Variants in OR2L2 observed in about 807,000 individuals in gnomAD.
OR2L2 encodes the protein olfactory receptor family 2 subfamily L member 2.
For synonymous variants in OR2L2, 156 were observed against 135.4 expected (o/e 1.15, Z -1.06); for missense variants, 378 against 375.2 (o/e 1.01, Z -0.06).
In OR2L2 at chr1:248,041,354, C is replaced by T. The variant is rs1021577539; in HGVS notation, c.*2148C>T. 1.3e-5 allele frequency: 2 copies of T among 152,092 alleles called. No individual in the cohort carries two copies. Among genetic ancestry groups the T allele is most frequent in the East Asian group, 1.9e-4 (1 of 5,172 alleles). The allele number at this position is 152,092 out of a possible 1,614,324, so 9.4% of individuals were successfully genotyped here. A position where few individuals can be genotyped will look rare whatever the true frequency, so the allele number is the denominator to read the frequency against. On this transcript the variant is annotated 3_prime_UTR_variant, in exon 3 of 3. Coordinates refer to ENST00000641771, the MANE Select transcript of OR2L2 (RefSeq NM_001385855.1). ...CCTTCCTTACACCTTATACAAAAAT[C>T]AATTCAAGATGGATTAAAGACTTAA...
intron 1 of OR2L2, among the ~76,000 whole-genome samples, chr1:248,031,661 G>A (rs915750140): frequency 9.9e-5 from 15 of 152,250 alleles, no homozygotes; most frequent in Admixed American, 7.9e-4. Context: ...AGTTTTTGGG[G>A]TGCCTGATTT....
rs1383017839 is a variant in OR2L2, at chr1:248,039,242, C to A, written c.*36C>A. Reference sequence around the variant, plus strand: ...TGTGTTAGAGTCAAAGCGCTAGGTTCATATCAACTTAGTAGTGTACAGCAG... The same window carrying A: ...TGTGTTAGAGTCAAAGCGCTAGGTTAATATCAACTTAGTAGTGTACAGCAG... On this transcript the variant is annotated 3_prime_UTR_variant, in exon 3 of 3. Transcript: ENST00000641771. 6 of 1,562,590 alleles carry A rather than the reference C, an allele frequency of 3.8e-6. No individual in the cohort carries two copies. The highest frequency in any genetic ancestry group is 8.7e-7 in the Non-Finnish European group (1 of 1,151,010).
At chr1:248,036,278 C>A (rs573626463) in intron 2 of OR2L2, among the ~76,000 whole-genome samples, 3 of 151,648 alleles carry the variant, frequency 2.0e-5, no homozygotes, top group African/African-American at 7.3e-5. Context: ...TTTTCACTTT[C>A]GTATTTTGAA....
At position 248,039,273 on chromosome 1, in the gene OR2L2, A is replaced by G. The variant is rs1032833694; in HGVS notation, c.*67A>G. 4 of 1,428,922 alleles carry G rather than the reference A, an allele frequency of 2.8e-6. No individual in the cohort carries two copies. In the African/African-American group the frequency reaches 5.7e-5, roughly 20 times the overall value. 88.5% of individuals were successfully genotyped at this position (1,428,922 alleles called of 1,614,324 possible). On this transcript the variant is annotated 3_prime_UTR_variant, in exon 3 of 3. Coordinates refer to ENST00000641771, the MANE Select transcript of OR2L2 (RefSeq NM_001385855.1). ...AACTTAGTAGTGTACAGCAGTGAAGAAAAACATTATTACATGCCCAGTGTG... is the reference window on the plus strand; with the variant it reads ...AACTTAGTAGTGTACAGCAGTGAAGGAAAACATTATTACATGCCCAGTGTG...
rs113312394 is a variant in OR2L2, at chr1:248,038,872, G to C, written c.605G>C (p.Ser202Thr). The C allele has an allele frequency of 3.1e-3, 5,056 of 1,614,134 alleles. 107 individuals are homozygous for C. The African/African-American group carries it at 0.057, about 18-fold the overall frequency. Residue 202 changes from serine (S) to threonine (T), a missense_variant, in exon 3 of 3, where the codon AGC becomes ACC. Ser to Thr is a moderately conservative substitution (Grantham distance 58). Transcript: ENST00000641771. ...TATGAGAGCACAGTGTTTTTGAGCA[G>C]CACCATCTTTCTTGTGCTTCCTTTC... is the stretch of plus-strand genomic sequence containing the variant. ...WVYESTVFLS[S>T]TIFLVLPFTG...
At chr1:248,035,881 T>C (rs1662745787) in intron 2 of OR2L2, among the ~76,000 whole-genome samples, 1 of 152,186 alleles carries the variant, frequency 6.6e-6, no homozygotes, top group Non-Finnish European at 1.5e-5. Flanking sequence ...TCTCCTCTTA[T>C]GAAATTTATT....
chr1:248,037,470 G>T (rs1662795158), intron 2 of OR2L2, among the ~76,000 whole-genome samples: 2 of 152,124 alleles, frequency 1.3e-5, no homozygotes, highest in Admixed American at 6.6e-5. Context: ...ATCTGAGATT[G>T]TGTTGGGCAT....
In OR2L2 at chr1:248,031,156, C is replaced by G. The variant is rs73141384; in HGVS notation, c.-97+921C>G. On this transcript the variant is annotated intron_variant, in intron 1 of 2. Transcript: ENST00000641771. ...AAATGTCCTCTTCACATTACTGAAA[C>G]AGATGTATAATAAATATCCTCTTTG... 3.9e-3 allele frequency among the ~76,000 whole-genome samples: 590 copies of G among 152,232 alleles called. 7 individuals are homozygous for G. The highest frequency in any genetic ancestry group is 0.014 in the African/African-American group (561 of 41,532).
In OR2L2 at chr1:248,038,500, C is replaced by A; in HGVS notation, c.233C>A (p.Pro78Gln). The part of the protein sequence containing the change: ...IDLNYISTIV[P>Q]KMVYDFLYGN... ...CTAAATTACATCTCCACCATTGTTC[C>A]AAAGATGGTTTATGATTTTCTGTAT... is the stretch of plus-strand genomic sequence containing the variant. Residue 78 changes from proline to glutamine, a missense_variant, in exon 3 of 3, where the codon CCA (proline) becomes CAA (glutamine). Coordinates refer to ENST00000641771, the MANE Select transcript of OR2L2 (RefSeq NM_001385855.1). The A allele has an allele frequency of 3.1e-6, 5 of 1,613,900 alleles. No homozygotes were observed. Among genetic ancestry groups the A allele is most frequent in the Non-Finnish European group, 4.2e-6 (5 of 1,179,832 alleles).
chr1:248,038,793 T>A lies in OR2L2; in HGVS notation c.526T>A (p.Phe176Ile), dbSNP rs749465429. The part of the protein sequence containing the change: ...PYCKSRAINH[F>I]FCDVPAMLTL... ...TTGCAAGTCCAGAGCCATCAATCATTTTTTCTGTGATGTTCCAGCTATGTT... is the reference window on the plus strand; with the variant it reads ...TTGCAAGTCCAGAGCCATCAATCATATTTTCTGTGATGTTCCAGCTATGTT... Residue 176 changes from phenylalanine (F) to isoleucine (I), a missense_variant, in exon 3 of 3, where the codon TTT (phenylalanine) becomes ATT (isoleucine). Transcript: ENST00000641771. The A allele has an allele frequency of 6.2e-7, 1 of 1,614,146 alleles. No homozygotes were observed. The highest frequency in any genetic ancestry group is 1.1e-5 in the South Asian group (1 of 91,074).
chr1:248,037,801 A>T (rs897591873), intron 2 of OR2L2, among the ~76,000 whole-genome samples: 1 of 152,180 alleles, frequency 6.6e-6, no homozygotes, highest in African/African-American at 2.4e-5. Flanking sequence ...TTGCATGGAA[A>T]AGTCCACAAA....
At position 248,039,665 on chromosome 1, in the gene OR2L2, C is replaced by G. The variant is rs967272389; in HGVS notation, c.*459C>G. ...CAGGGTTTCATTAACATGTAGAAAT[C>G]AAAACAATAAAGGTCCAAACTAATC... is the stretch of plus-strand genomic sequence containing the variant. On this transcript the variant is annotated 3_prime_UTR_variant, in exon 3 of 3. Transcript: ENST00000641771. The G allele has an allele frequency of 1.3e-5, 2 of 153,120 alleles. No homozygotes were observed. Among genetic ancestry groups the G allele is most frequent in the African/African-American group, 4.8e-5 (2 of 41,276 alleles). 9.5% of individuals were successfully genotyped at this position (153,120 alleles called of 1,614,324 possible). A position where few individuals can be genotyped will look rare whatever the true frequency, so the allele number is the denominator to read the frequency against.
At chr1:248,031,551 C>T (rs1170648162) in intron 1 of OR2L2, among the ~76,000 whole-genome samples, 1 of 152,088 alleles carries the variant, frequency 6.6e-6, no homozygotes, top group Non-Finnish European at 1.5e-5. Flanking sequence ...GAGATGGGGT[C>T]CAGTGACTTG....
chr1:248,038,688 G>T lies in OR2L2; in HGVS notation c.421G>T (p.Val141Leu). The change falls in exon 3 of 3, where the codon GTG (valine) becomes TTG (leucine). Residue 141 changes from valine to leucine, a missense_variant. By Grantham distance (32) the Val-to-Leu change is conservative. Transcript: ENST00000641771. ...YPIRISKRVC[V>L]MMITGSWMIS... ...CATCCGTATAAGCAAAAGAGTGTGT[G>T]TGATGATGATAACAGGATCTTGGAT... is the stretch of plus-strand genomic sequence containing the variant. The T allele has an allele frequency of 1.2e-6, 2 of 1,614,154 alleles. No individual in the cohort carries two copies. Among genetic ancestry groups the T allele is most frequent in the Non-Finnish European group, 8.5e-7 (1 of 1,180,018 alleles).
At chr1:248,032,368 C>G (rs969863915) in intron 1 of OR2L2, among the ~76,000 whole-genome samples, 1 of 151,960 alleles carries the variant, frequency 6.6e-6, no homozygotes, top group African/African-American at 2.4e-5. Flanking sequence ...ATAAGATAAA[C>G]TGCACCATTT....
chr1:248,039,267 G>A lies in OR2L2; in HGVS notation c.*61G>A. ...CATATCAACTTAGTAGTGTACAGCA[G>A]TGAAGAAAAACATTATTACATGCCC... On this transcript the variant is annotated 3_prime_UTR_variant, in exon 3 of 3. Coordinates refer to ENST00000641771, the MANE Select transcript of OR2L2 (RefSeq NM_001385855.1). 4 of 1,466,128 alleles carry A rather than the reference G, an allele frequency of 2.7e-6. No individual in the cohort carries two copies. Among genetic ancestry groups the A allele is most frequent in the Non-Finnish European group, 3.7e-6 (4 of 1,088,514 alleles). 90.8% of individuals were successfully genotyped at this position (1,466,128 alleles called of 1,614,324 possible).
chr1:248,039,821 T>G lies in OR2L2; in HGVS notation c.*615T>G, dbSNP rs1161636766. The G allele has an allele frequency of 6.6e-6, 1 of 152,200 alleles. No homozygotes were observed. Among genetic ancestry groups the G allele is most frequent in the African/African-American group, 2.4e-5 (1 of 41,444 alleles). 9.4% of individuals were successfully genotyped at this position (152,200 alleles called of 1,614,324 possible). ...TAAATAGTTTTTATTTACTCTCAAC[T>G]GGTATGTATGTCTTCTTCTTTTTCT... is the stretch of plus-strand genomic sequence containing the variant. On this transcript the variant is annotated 3_prime_UTR_variant, in exon 3 of 3. Coordinates refer to ENST00000641771, the MANE Select transcript of OR2L2 (RefSeq NM_001385855.1).
chr1:248,034,356 A>G (rs1405204369), intron 1 of OR2L2, among the ~76,000 whole-genome samples: 1 of 152,250 alleles, frequency 6.6e-6, no homozygotes, highest in Non-Finnish European at 1.5e-5. Flanking sequence ...CTAAGTGAAA[A>G]AAACAAATCT....
At position 248,038,973 on chromosome 1, in the gene OR2L2, G is replaced by T. The variant is rs779306380; in HGVS notation, c.706G>T (p.Ala236Ser). The T allele has an allele frequency of 2.5e-6, 4 of 1,614,040 alleles. No individual in the cohort carries two copies. The highest frequency in any genetic ancestry group is 1.6e-4 in the Middle Eastern group (1 of 6,062). ...GCACTCTGCAGAAGGGAGGAAGAAG[G>T]CCTATTCAACCTGTAGCACCCACCT... ...RMHSAEGRKK[A>S]YSTCSTHLTV... The change falls in exon 3 of 3, where the codon GCC becomes TCC. Residue 236 changes from alanine (A) to serine (S), a missense_variant. Physicochemically the swap from Ala to Ser is moderately conservative, Grantham distance 99. Coordinates refer to ENST00000641771, the MANE Select transcript of OR2L2 (RefSeq NM_001385855.1).
Sources: gnomAD v4.1 joint callset for allele counts (sites outside exome capture counted in the v4.1 genomes callset) on GRCh38, gnomAD v4.1.1 for gene constraint, MANE v1.5 for transcripts, NCBI Gene and HGNC (gene_info 2026-07-23, HGNC 2026-07-21) for gene names.